Variants in VIPR2 observed in about 807,000 individuals in gnomAD.
VIPR2 encodes the protein vasoactive intestinal polypeptide receptor 2.
In VIPR2, 48 loss-of-function variants were observed where a neutral mutation model predicts 58.0. The observed-to-expected ratio is 0.83, with a 90% CI of 0.66 to 1.05. The LOEUF (loss-of-function observed/expected upper bound fraction) is 1.05, where lower values mean the gene tolerates loss of function less well. Among genes scored for constraint, VIPR2 ranks in the 50% least tolerant of loss-of-function variants. The pLI, the probability that VIPR2 is intolerant of heterozygous loss-of-function variation, is 0.00. For missense variants in VIPR2, 534 were observed against 558.0 expected, an observed-to-expected ratio of 0.96 and a Z score of 0.43; for synonymous variants, 243 against 235.2, an observed-to-expected ratio of 1.03 and a Z score of -0.30.
At chr7:159,144,255 CTT>C (rs1776989991) in intron 1 of VIPR2, 2 of 1,326,978 alleles carry the variant, frequency 1.5e-6, no homozygotes, top group South Asian at 2.2e-5. Flanking sequence ...CAAAAGGAAA[CTT>C]TATTTAACCG....
At chr7:159,116,939 GATTT>G (rs1295212955) in intron 2 of VIPR2, 1 of 200,376 alleles carries the variant, frequency 5.0e-6, no homozygotes, top group Non-Finnish European at 1.0e-5. Flanking sequence ...TCTGGATTTG[GATTT>G]ATTTTCTCAT....
At chr7:159,033,406 G>C (rs887874530) in intron 10 of VIPR2, among the ~76,000 whole-genome samples, 1 of 152,182 alleles carries the variant, frequency 6.6e-6, no homozygotes, top group Non-Finnish European at 1.5e-5. Flanking sequence ...GTCTGAGCCC[G>C]AGGCACCTTC....
intron 4 of VIPR2, among the ~76,000 whole-genome samples, chr7:159,083,274 G>T (rs1857006151): frequency 6.6e-6 from 1 of 152,282 alleles, no homozygotes; most frequent in African/African-American, 2.4e-5. Flanking sequence ...TCTGGGTGAG[G>T]GAGTCTCCCC....
At chr7:159,112,957 A>G (rs1277779138) in intron 2 of VIPR2, among the ~76,000 whole-genome samples, 1 of 151,804 alleles carries the variant, frequency 6.6e-6, no homozygotes, top group African/African-American at 2.4e-5. Flanking sequence ...GAGGACCCCG[A>G]CTGTGTGAGC....
chr7:159,035,123 T>C (rs1403056261), intron 8 of VIPR2, among the ~76,000 whole-genome samples: 1 of 152,240 alleles, frequency 6.6e-6, no homozygotes, highest in African/African-American at 2.4e-5. Flanking sequence ...AGCAGGAAGC[T>C]GTGACCCCTG....
At chr7:159,034,415 C>G in intron 9 of VIPR2, 111 bp from the exon 10 acceptor site, 1 of 1,325,774 alleles carries the variant, frequency 7.5e-7, no homozygotes, top group Non-Finnish European at 1.1e-6. Flanking sequence ...CCCTCCTTCC[C>G]TGGGAACTGC....
chr7:159,073,582 T>A (rs1352792035), intron 4 of VIPR2, among the ~76,000 whole-genome samples: 1 of 152,166 alleles, frequency 6.6e-6, no homozygotes, highest in Non-Finnish European at 1.5e-5. Flanking sequence ...CCCACCTGGC[T>A]AATTTTTGTA....
intron 4 of VIPR2, among the ~76,000 whole-genome samples, chr7:159,089,972 G>A (rs1857366180): frequency 6.6e-6 from 1 of 152,242 alleles, no homozygotes; most frequent in Non-Finnish European, 1.5e-5. Flanking sequence ...CAAAAGCAAG[G>A]CAGGCACCAA....
At chr7:159,110,360 CT>C (rs1445162599) in intron 2 of VIPR2, among the ~76,000 whole-genome samples, 3 of 152,164 alleles carry the variant, frequency 2.0e-5, no homozygotes, top group African/African-American at 7.2e-5. Flanking sequence ...GTCAAGATGC[CT>C]TATTAGCAAC....
chr7:159,123,919 T>A (rs988982029), intron 2 of VIPR2, among the ~76,000 whole-genome samples: 2 of 152,244 alleles, frequency 1.3e-5, no homozygotes, highest in Admixed American at 1.3e-4. Context: ...TGACCTTTTT[T>A]CCATATGCTT....
chr7:159,045,229 C>T (rs145369681), intron 5 of VIPR2, among the ~76,000 whole-genome samples: 227 of 152,252 alleles, frequency 1.5e-3, no homozygotes, highest in African/African-American at 4.9e-3. Context: ...CACCAGCACA[C>T]GCATGGGGGA....
intron 4 of VIPR2, among the ~76,000 whole-genome samples, chr7:159,071,110 G>C (rs1856364724): frequency 6.6e-6 from 1 of 152,206 alleles, no homozygotes; most frequent in Admixed American, 6.5e-5. Context: ...GCAACTTCCA[G>C]GGTTTTTCTG....
rs569779611 is a variant in VIPR2 at position 159,121,220 on chromosome 7, C to G, written c.152-11301G>C. Among the ~76,000 whole-genome samples, 10 of 146,266 alleles carry G rather than the reference C, an allele frequency of 6.8e-5. No individual in the cohort carries two copies. The Middle Eastern group carries it at 0.014, about 203-fold the overall frequency. ...CCTCCATGCTGCTGTTCTGATTCCTCCTTCCTCGTCGTGCGGGGCAGACTC... is the reference window on the plus strand; with the variant it reads ...CCTCCATGCTGCTGTTCTGATTCCTGCTTCCTCGTCGTGCGGGGCAGACTC... On this transcript the variant is annotated intron_variant, in intron 2 of 12. Transcript: ENST00000262178.
At chr7:159,140,023 C>T (rs1487137811) in intron 2 of VIPR2, among the ~76,000 whole-genome samples, 4 of 152,086 alleles carry the variant, frequency 2.6e-5, no homozygotes, top group Admixed American at 6.5e-5. Flanking sequence ...AAGAGAATCC[C>T]GTAAGAGAGC....
chr7:159,129,968 C>T (rs436631), intron 2 of VIPR2, among the ~76,000 whole-genome samples: 3,247 of 70,626 alleles, frequency 0.046, 194 homozygotes, highest in Non-Finnish European at 0.063. Flanking sequence ...TGGCCTCTGG[C>T]GGGGACAGGG....
chr7:159,097,012 A>C lies in VIPR2; in HGVS notation c.357+6745T>G, dbSNP rs768848937. 2.2e-5 allele frequency: 34 copies of C among 1,550,384 alleles called. No homozygotes were observed. Among genetic ancestry groups the C allele is most frequent in the Non-Finnish European group, 3.0e-5 (34 of 1,146,958 alleles). ...TTCCTTCAGAAAAGCTGCTGCTCTCAGAGGTGATTTGGGGCAGGCCGCTCT... is the reference window on the plus strand; with the variant it reads ...TTCCTTCAGAAAAGCTGCTGCTCTCCGAGGTGATTTGGGGCAGGCCGCTCT... On this transcript the variant is annotated intron_variant, in intron 4 of 12. Coordinates refer to ENST00000262178, the MANE Select transcript of VIPR2 (RefSeq NM_003382.5). The surrounding 1 kb of genome is among the most constrained non-coding windows in gnomAD (Gnocchi z 5.3).
chr7:159,104,054 C>T (rs528912143), intron 3 of VIPR2, among the ~76,000 whole-genome samples, 200 bp from the exon 4 acceptor site: 5 of 152,278 alleles, frequency 3.3e-5, no homozygotes, highest in Admixed American at 2.0e-4. Flanking sequence ...CTCTCGGGGC[C>T]GGTGGGTCCT....
chr7:159,038,191 G>A (rs7797868), intron 6 of VIPR2, among the ~76,000 whole-genome samples: 29,922 of 151,950 alleles, frequency 0.2, 3,707 homozygotes, highest in East Asian at 0.5. Flanking sequence ...GGCCTCCCCT[G>A]AGCCCTGCAG....
chr7:159,139,520 T>G (rs1797375385), intron 2 of VIPR2, among the ~76,000 whole-genome samples: 1 of 152,226 alleles, frequency 6.6e-6, no homozygotes, highest in Non-Finnish European at 1.5e-5. Flanking sequence ...AAGTGGGGAA[T>G]GACCTCAAAC....
Sources: allele counts gnomAD v4.1 joint callset (sites outside exome capture counted in the v4.1 genomes callset), GRCh38; gene constraint gnomAD v4.1.1; non-coding constraint Gnocchi (gnomAD v3.1); transcripts MANE v1.5; gene names NCBI Gene and HGNC (gene_info 2026-07-23, HGNC 2026-07-21).